Variants in SPAG16 observed in about 807,000 individuals in gnomAD.
SPAG16 encodes sperm-associated antigen 16 protein.
A neutral mutation model predicts 80.4 loss-of-function variants in SPAG16; 86 were observed. The observed-to-expected ratio is 1.07, with a 90% CI of 0.90 to 1.28. SPAG16 has a LOEUF of 1.28. Ranked by LOEUF, SPAG16 falls within the 50% of genes most tolerant of loss-of-function variation. SPAG16 has a pLI of 0.00. For missense variants in SPAG16, 870 were observed against 765.3 expected (o/e 1.14, Z -1.61); for synonymous variants, 294 against 265.9 (o/e 1.11, Z -1.03).
At chr2:214,138,931 A>AG (rs776131765) in intron 14 of SPAG16, among the ~76,000 whole-genome samples, 1 of 152,166 alleles carries the variant, frequency 6.6e-6, no homozygotes, top group East Asian at 1.9e-4. Context: ...CTTCAAAAAA[A>AG]GTGAGATAGC....
At chr2:213,388,280 A>G (rs1001409268) in intron 9 of SPAG16, among the ~76,000 whole-genome samples, 2 of 152,184 alleles carry the variant, frequency 1.3e-5, no homozygotes, top group Non-Finnish European at 2.9e-5. Flanking sequence ...AAAGAGGGTT[A>G]TAGCAATTGT....
At chr2:214,053,869 C>A (rs1315941497) in intron 13 of SPAG16, among the ~76,000 whole-genome samples, 4 of 152,160 alleles carry the variant, frequency 2.6e-5, no homozygotes, top group Admixed American at 2.6e-4. Flanking sequence ...AAGTCCTTTG[C>A]AAACTCTGGA....
chr2:214,313,237 A>G (rs1221227479), intron 15 of SPAG16, among the ~76,000 whole-genome samples: 2 of 152,134 alleles, frequency 1.3e-5, no homozygotes, highest in East Asian at 1.9e-4. Flanking sequence ...ATATTTGTCA[A>G]TGCTGCAATA....
intron 15 of SPAG16, among the ~76,000 whole-genome samples, chr2:214,408,002 G>T (rs533174290): frequency 6.6e-6 from 1 of 151,484 alleles, no homozygotes. Context: ...TTGAAAAACC[G>T]CATAATAAAT....
intron 10 of SPAG16, among the ~76,000 whole-genome samples, chr2:213,597,766 G>A (rs1346687871): frequency 6.6e-6 from 1 of 151,834 alleles, no homozygotes; most frequent in Non-Finnish European, 1.5e-5. Flanking sequence ...TAAATCTTTT[G>A]CCCCCCCAAA....
intron 14 of SPAG16, among the ~76,000 whole-genome samples, chr2:214,135,015 T>TA (rs1456219031): frequency 6.6e-6 from 1 of 152,234 alleles, no homozygotes; most frequent in Non-Finnish European, 1.5e-5. Flanking sequence ...TTCATCTATC[T>TA]AAAACATTAC....
chr2:214,269,924 G>A (rs1691871520), intron 15 of SPAG16, among the ~76,000 whole-genome samples: 1 of 151,448 alleles, frequency 6.6e-6, no homozygotes, highest in Admixed American at 6.6e-5. Context: ...AAAGGCAAAT[G>A]TTATTTCCTG....
chr2:214,129,855 G>A (rs1051461377), intron 14 of SPAG16, among the ~76,000 whole-genome samples: 2 of 152,088 alleles, frequency 1.3e-5, no homozygotes, highest in African/African-American at 2.4e-5. Context: ...AGGCTTTTTA[G>A]AGAAGCAAGG....
chr2:213,632,257 TA>T (rs2125085956), intron 10 of SPAG16, among the ~76,000 whole-genome samples: 1 of 152,226 alleles, frequency 6.6e-6, no homozygotes, highest in African/African-American at 2.4e-5. Flanking sequence ...GATTCCTTTT[TA>T]AATTTTTTTT....
At chr2:214,335,532 A>G (rs1697220986) in intron 15 of SPAG16, among the ~76,000 whole-genome samples, 1 of 151,804 alleles carries the variant, frequency 6.6e-6, no homozygotes, top group African/African-American at 2.4e-5. Flanking sequence ...AAAACTGTAC[A>G]TGATTATTTT....
chr2:214,228,270 T>G (rs1264337544), intron 15 of SPAG16, among the ~76,000 whole-genome samples: 1 of 151,976 alleles, frequency 6.6e-6, no homozygotes, highest in East Asian at 1.9e-4. Context: ...ATTTAAATCA[T>G]AATTCAATAT....
chr2:214,221,280 G>GTT (rs553077893), intron 15 of SPAG16, among the ~76,000 whole-genome samples: 2,509 of 151,890 alleles, frequency 0.017, 41 homozygotes, highest in African/African-American at 0.038. Context: ...TTTAAATGTA[G>GTT]TTTTTTTTGA....
chr2:213,638,936 TATATATTTAGGATTGTG>T (rs1346928798), intron 10 of SPAG16, among the ~76,000 whole-genome samples: 4 of 152,222 alleles, frequency 2.6e-5, no homozygotes, highest in Admixed American at 1.3e-4. Flanking sequence ...GTTAGGTGCA[TATATATTTAGGATTGTG>T]ATATTTTCCT....
intron 15 of SPAG16, among the ~76,000 whole-genome samples, chr2:214,276,077 T>G (rs1464126746): frequency 6.6e-6 from 1 of 152,200 alleles, no homozygotes; most frequent in African/African-American, 2.4e-5. Flanking sequence ...TGATCTTTGT[T>G]GGTTTAAAGT....
intron 10 of SPAG16, among the ~76,000 whole-genome samples, chr2:213,732,008 G>A (rs574922793): frequency 2.9e-4 from 44 of 152,132 alleles, no homozygotes; most frequent in African/African-American, 1.0e-3. Flanking sequence ...GTTCTGAATG[G>A]TATCTCCTAG....
intron 10 of SPAG16, among the ~76,000 whole-genome samples, chr2:213,848,488 A>G (rs1344379512): frequency 3.9e-5 from 6 of 152,108 alleles, no homozygotes; most frequent in Non-Finnish European, 2.9e-5. Context: ...TTTATGTCTC[A>G]CAGCCTTATA....
At chr2:214,075,951 TTTTC>T (rs1393728329) in intron 13 of SPAG16, among the ~76,000 whole-genome samples, 2 of 152,156 alleles carry the variant, frequency 1.3e-5, no homozygotes. Context: ...AGCAAATAAA[TTTTC>T]TTTCTGTCAT....
At chr2:213,819,352 C>G (rs1181841202) in intron 10 of SPAG16, among the ~76,000 whole-genome samples, 3 of 152,164 alleles carry the variant, frequency 2.0e-5, no homozygotes, top group African/African-American at 7.2e-5. Flanking sequence ...AAATTCTAAG[C>G]TCAAAAGTGG....
intron 13 of SPAG16, among the ~76,000 whole-genome samples, chr2:214,083,962 A>T (rs2051552344): frequency 6.6e-6 from 1 of 152,036 alleles, no homozygotes; most frequent in Non-Finnish European, 1.5e-5. Context: ...AGCAATTCCT[A>T]CCTTTTCTAT....
Sources: gnomAD v4.1 joint callset for allele counts (sites outside exome capture counted in the v4.1 genomes callset) on GRCh38, gnomAD v4.1.1 for gene constraint, MANE v1.5 for transcripts, NCBI Gene and HGNC (gene_info 2026-07-23, HGNC 2026-07-21) for gene names.